Variants in RP1 observed in about 807,000 individuals in gnomAD.
RP1 encodes the protein oxygen-regulated protein 1.
In RP1, 16 loss-of-function variants were observed where a neutral mutation model predicts 14.8. The ratio of observed to expected loss-of-function variants is 1.08; its 90% confidence interval spans 0.73 to 1.65. RP1 has a LOEUF of 1.65. RP1 is among the 40% of genes most tolerant of loss of function. The pLI is 0.00. For synonymous variants in RP1, 876 were observed against 883.6 expected (o/e 0.99, Z 0.15); for missense variants, 2,631 against 2,535.0 (o/e 1.04, Z -0.81).
At chr8:54,688,363 T>C (rs1458496939) in intron 12 of RP1, among the ~76,000 whole-genome samples, 1 of 152,158 alleles carries the variant, frequency 6.6e-6, no homozygotes, top group Non-Finnish European at 1.5e-5. Flanking sequence ...TCGCTTTTGG[T>C]GTTTTAGTCA....
chr8:54,678,476 T>A, exon 9 of RP1: 1 of 1,534,948 alleles, frequency 6.5e-7, no homozygotes, highest in Non-Finnish European at 8.7e-7. Flanking sequence ...GGTTGGTTTC[T>A]TGATGATGTT....
chr8:54,777,521 A>T (rs1400481682), intron 23 of RP1, among the ~76,000 whole-genome samples: 1 of 152,186 alleles, frequency 6.6e-6, no homozygotes, highest in Non-Finnish European at 1.5e-5. Context: ...ACTGTTTCTA[A>T]TTCGGTGTCA....
intron 24 of RP1, among the ~76,000 whole-genome samples, chr8:54,797,485 G>A (rs920451837): frequency 6.6e-6 from 1 of 151,554 alleles, no homozygotes; most frequent in Non-Finnish European, 1.5e-5. Flanking sequence ...ACCACTAGAT[G>A]AGTGCAGAAA....
intron 15 of RP1, among the ~76,000 whole-genome samples, chr8:54,711,969 C>T (rs1327082533): frequency 1.3e-5 from 2 of 152,050 alleles, no homozygotes; most frequent in East Asian, 1.9e-4. Context: ...AATTGGAGAA[C>T]CAAAGGGTAT....
At chr8:54,692,975 A>G (rs1427817271) in intron 12 of RP1, among the ~76,000 whole-genome samples, 3 of 152,098 alleles carry the variant, frequency 2.0e-5, no homozygotes, top group Admixed American at 6.6e-5. Flanking sequence ...TCTTTAATCC[A>G]TCTTGAATTA....
At chr8:54,754,458 C>T (rs1050532717) in intron 19 of RP1, among the ~76,000 whole-genome samples, 2 of 151,644 alleles carry the variant, frequency 1.3e-5, no homozygotes, top group African/African-American at 4.9e-5. Flanking sequence ...TTTACAAGTC[C>T]GATTGATTAA....
intron 3 of RP1, chr8:54,648,905 A>G (rs2129325079): frequency 2.0e-6 from 2 of 1,014,852 alleles, no homozygotes; most frequent in Non-Finnish European, 2.7e-6. Flanking sequence ...GAACTCTCCT[A>G]GTTTTATGAT....
At chr8:54,806,425 C>CA (rs1391849406) in intron 24 of RP1, among the ~76,000 whole-genome samples, 1 of 152,064 alleles carries the variant, frequency 6.6e-6, no homozygotes, top group African/African-American at 2.4e-5. Context: ...TTTAAAACAC[C>CA]AAAAACCCAT....
At chr8:54,695,591 A>G (rs909906268) in intron 12 of RP1, among the ~76,000 whole-genome samples, 11 of 152,178 alleles carry the variant, frequency 7.2e-5, no homozygotes, top group Admixed American at 1.3e-4. Flanking sequence ...TTCTTAGAAC[A>G]TTTTCAGGAA....
intron 26 of RP1, among the ~76,000 whole-genome samples, chr8:54,853,944 G>GGAAGGAAGGAAAAGAAAAGAGA: frequency 7.8e-6 from 1 of 128,638 alleles, no homozygotes; most frequent in Non-Finnish European, 1.6e-5. Flanking sequence ...GAGAAAGGAA[G>GGAAGGAAGGAAAAGAAAAGAGA]GAAGGAAGGA....
upstream of RP1, among the ~76,000 whole-genome samples, chr8:54,615,540 G>A (rs112372635): frequency 5.9e-5 from 9 of 152,294 alleles, no homozygotes; most frequent in African/African-American, 1.4e-4. Flanking sequence ...CAGTGGAAGC[G>A]TGCTGGGTAT....
chr8:54,662,085 C>T (rs563002017), intron 6 of RP1, among the ~76,000 whole-genome samples: 6 of 152,122 alleles, frequency 3.9e-5, no homozygotes, highest in African/African-American at 9.6e-5. Flanking sequence ...AATCAGTACC[C>T]GTGTCATCTC....
rs1288566702 is a variant in RP1 at position 54,754,976 on chromosome 8, ATTGT to A, written c.2941+45_2941+48del. 5 of 1,429,558 alleles carry A rather than the reference ATTGT, an allele frequency of 3.5e-6. No homozygotes were observed. The African/African-American group carries it at 7.3e-5, about 21-fold the overall frequency. 88.6% of individuals were successfully genotyped at this position (1,429,558 alleles called of 1,614,324 possible). A position where few individuals can be genotyped will look rare whatever the true frequency, so the allele number is the denominator to read the frequency against. On this transcript the variant is annotated intron_variant, in intron 20 of 22. Coordinates refer to the RP1 transcript ENST00000636932. ...TCAGTAGCATCTATTCCATAGACAA[ATTGT>A]TTGGTAGTTGCTTAAATTTGCTTCT...
chr8:54,800,234 T>C (rs763983739), intron 24 of RP1, among the ~76,000 whole-genome samples: 36 of 152,118 alleles, frequency 2.4e-4, no homozygotes, highest in Non-Finnish European at 4.4e-4. Flanking sequence ...CTATTTATAA[T>C]GTATCTTTTT....
At chr8:54,664,581 C>T (rs926840093) in intron 7 of RP1, among the ~76,000 whole-genome samples, 1 of 152,070 alleles carries the variant, frequency 6.6e-6, no homozygotes, top group East Asian at 1.9e-4. Context: ...TGTAACCATC[C>T]TAATGGCTAT....
At chr8:54,571,118 TG>T (rs1804511084) in intron 1 of RP1, among the ~76,000 whole-genome samples, 1 of 151,816 alleles carries the variant, frequency 6.6e-6, no homozygotes, top group Admixed American at 6.6e-5. Flanking sequence ...GGAGGCCCTG[TG>T]AGCTCTGCAC....
intron 12 of RP1, chr8:54,699,386 T>A: frequency 2.0e-6 from 1 of 495,330 alleles, no homozygotes; most frequent in Non-Finnish European, 3.3e-6. Flanking sequence ...AAATATATTA[T>A]TAAGAGATTT....
At chr8:54,858,786 T>C (rs992247216) in intron 27 of RP1, among the ~76,000 whole-genome samples, 3 of 151,538 alleles carry the variant, frequency 2.0e-5, no homozygotes, top group African/African-American at 7.3e-5. Flanking sequence ...CGGTGGAATG[T>C]TCTCACTGTA....
intron 3 of RP1, among the ~76,000 whole-genome samples, chr8:54,624,443 C>CAAAAAAAAAAAAAAAAAAAAAAA (rs11332494): frequency 2.7e-4 from 15 of 56,582 alleles, no homozygotes; most frequent in Non-Finnish European, 4.1e-4. Context: ...GACTCTGTCT[C>CAAAAAAAAAAAAAAAAAAAAAAA]AAAAAAAAAA....
Sources: gnomAD v4.1 joint callset for allele counts (sites outside exome capture counted in the v4.1 genomes callset) on GRCh38, gnomAD v4.1.1 for gene constraint, MANE v1.5 for transcripts, NCBI Gene and HGNC (gene_info 2026-07-23, HGNC 2026-07-21) for gene names.